Variants in EPB42 observed in about 807,000 individuals in gnomAD.
EPB42 encodes protein 4.2.
A neutral mutation model predicts 76.9 loss-of-function variants in EPB42; 49 were observed. The observed-to-expected ratio is 0.64, with a 90% confidence interval of 0.51 to 0.81. The LOEUF (loss-of-function observed/expected upper bound fraction) is 0.81, where lower values mean the gene tolerates loss of function less well. EPB42 is among the 30% of genes least tolerant of loss of function. The pLI is 0.00. For synonymous variants in EPB42, 310 were observed against 338.4 expected (o/e 0.92, Z 0.92); for missense variants, 731 against 867.6 (o/e 0.84, Z 1.98).
chr15:43,202,598 A>G (rs2042142705), intron 11 of EPB42, among the ~76,000 whole-genome samples: 1 of 152,222 alleles, frequency 6.6e-6, no homozygotes, highest in Non-Finnish European at 1.5e-5. Flanking sequence ...TGTCTCCCTA[A>G]CTAAACTATA....
At chr15:43,214,783 G>C (rs919474112) in intron 3 of EPB42, among the ~76,000 whole-genome samples, 5 of 152,050 alleles carry the variant, frequency 3.3e-5, no homozygotes, top group African/African-American at 1.2e-4. Context: ...GCTTTCCCAG[G>C]GTCATCTCAG....
Position 43,197,397 on chromosome 15 carries a change from G to A in EPB42, c.1981C>T (p.Leu661Phe), listed in dbSNP as rs748580253. 1 of 1,614,176 alleles carries A rather than the reference G, an allele frequency of 6.2e-7. No homozygotes were observed. Among genetic ancestry groups the A allele is most frequent in the Non-Finnish European group, 8.5e-7 (1 of 1,180,036 alleles). ...TCCACTTCCACAGTGAGTCTCTGGA[G>A]CCCCACATGTGTTGGCGTGAACTGG... ...KFQFTPTHVG[L>F]QRLTVEVDCN... is the part of the protein sequence containing the mutation. Residue 661 changes from leucine to phenylalanine, a missense_variant, in exon 13 of 13, where the codon CTC becomes TTC. By Grantham distance (22) the Leu-to-Phe change is conservative (BLOSUM62 0). Coordinates refer to ENST00000441366, the MANE Select transcript of EPB42 (RefSeq NM_001114134.2).
intron 4 of EPB42, 59 bp downstream of exon 4, chr15:43,211,357 A>AACATGCAAGGTTATGGG (rs1210339328): frequency 2.7e-6 from 3 of 1,107,150 alleles, no homozygotes; most frequent in Non-Finnish European, 4.2e-6. Flanking sequence ...GTCTAGCCTC[A>AACATGCAAGGTTATGGG]ACATGCAAGG....
chr15:43,214,110 A>T (rs1019536075), intron 3 of EPB42, among the ~76,000 whole-genome samples: 1 of 152,262 alleles, frequency 6.6e-6, no homozygotes, highest in Non-Finnish European at 1.5e-5. Flanking sequence ...AAGACAGGAA[A>T]GCCGGGAGAA....
Position 43,220,993 on chromosome 15 carries a change from G to A in EPB42, c.-168C>T, listed in dbSNP as rs560640741. On this transcript the variant is annotated 5_prime_UTR_variant, in exon 1 of 13. Coordinates refer to ENST00000441366, the MANE Select transcript of EPB42 (RefSeq NM_001114134.2). ...AAACCTCCCCCCACTACTCCTGTGA[G>A]CACCCTGACATGTTTCTTCTCTCCT... is the stretch of plus-strand genomic sequence containing the variant. The A allele has an allele frequency of 2.5e-4, 165 of 664,534 alleles. No individual in the cohort carries two copies. The African/African-American group carries it at 2.6e-3, about 10-fold the overall frequency. 41.2% of individuals were successfully genotyped at this position (664,534 alleles called of 1,614,324 possible). A position where few individuals can be genotyped will look rare whatever the true frequency, so the allele number is the denominator to read the frequency against.
At chr15:43,216,564 C>T (rs990454820) in intron 1 of EPB42, 111 bp from the exon 2 acceptor site, 31 of 1,220,286 alleles carry the variant, frequency 2.5e-5, no homozygotes, top group South Asian at 1.7e-4. Context: ...GCTCCACTTA[C>T]GTTTTAGCTG....
intron 10 of EPB42, among the ~76,000 whole-genome samples, chr15:43,204,192 C>A (rs1319564293): frequency 6.6e-6 from 1 of 152,194 alleles, no homozygotes; most frequent in Admixed American, 6.5e-5. Flanking sequence ...GCCCAGGAAG[C>A]TTCTCTGTAA....
chr15:43,201,676 G>A (rs1012780059), intron 12 of EPB42, among the ~76,000 whole-genome samples, 168 bp downstream of exon 12: 1 of 152,216 alleles, frequency 6.6e-6, no homozygotes, highest in Non-Finnish European at 1.5e-5. Context: ...TGCAGATATG[G>A]TGGTCCTAGG....
intron 1 of EPB42, among the ~76,000 whole-genome samples, chr15:43,219,553 C>A (rs368142501): frequency 1.0e-3 from 157 of 152,288 alleles, no homozygotes; most frequent in African/African-American, 3.7e-3. Context: ...ATTTAGTGCC[C>A]AGGGGCATCC....
At chr15:43,216,754 G>A (rs1036992926) in intron 1 of EPB42, among the ~76,000 whole-genome samples, 7 of 152,122 alleles carry the variant, frequency 4.6e-5, no homozygotes, top group East Asian at 1.9e-4. Flanking sequence ...TAATAAGTGC[G>A]TTGCTTACTC....
upstream of EPB42, among the ~76,000 whole-genome samples, chr15:43,224,399 A>C (rs968055619): frequency 6.6e-6 from 1 of 152,202 alleles, no homozygotes; most frequent in Non-Finnish European, 1.5e-5. Flanking sequence ...AAGGGAAATT[A>C]AGTGGTTTCT....
chr15:43,208,412 G>C, intron 7 of EPB42, 79 bp from the exon 8 acceptor site: 19 of 1,507,620 alleles, frequency 1.3e-5, no homozygotes, highest in Non-Finnish European at 1.5e-5. Context: ...GCCTGGCAGA[G>C]CTGTTGTTGT....
At chr15:43,223,661 T>C (rs2042481871), upstream of EPB42, among the ~76,000 whole-genome samples, 1 of 152,194 alleles carries the variant, frequency 6.6e-6, no homozygotes, top group Non-Finnish European at 1.5e-5. Flanking sequence ...TCTCTTATAA[T>C]ACTAGTGGGA....
intron 1 of EPB42, 49 bp from the exon 2 acceptor site, chr15:43,216,502 G>GT: frequency 6.3e-7 from 1 of 1,589,160 alleles, no homozygotes; most frequent in Non-Finnish European, 8.6e-7. Flanking sequence ...ATGTGACAAT[G>GT]TAAGTACAAG....
chr15:43,220,316 T>C (rs1429356002), intron 1 of EPB42, among the ~76,000 whole-genome samples: 1 of 152,126 alleles, frequency 6.6e-6, no homozygotes, highest in Non-Finnish European at 1.5e-5. Flanking sequence ...CTGCCCCTTT[T>C]AGGTGGATTC....
chr15:43,219,873 G>T (rs1051242291), intron 1 of EPB42, among the ~76,000 whole-genome samples: 1 of 151,774 alleles, frequency 6.6e-6, no homozygotes, highest in Admixed American at 6.6e-5. Context: ...TTGAACCCAG[G>T]AGGCGGAGGT....
intron 3 of EPB42, 61 bp downstream of exon 3, chr15:43,215,034 C>T: frequency 6.9e-7 from 1 of 1,448,062 alleles, no homozygotes; most frequent in Non-Finnish European, 9.6e-7. Flanking sequence ...GCCAGAGCTG[C>T]ACCCCAGCTC....
chr15:43,201,462 T>C (rs764796761), intron 12 of EPB42, among the ~76,000 whole-genome samples: 7 of 152,246 alleles, frequency 4.6e-5, no homozygotes, highest in Non-Finnish European at 8.8e-5. Context: ...CAAAATTGTA[T>C]ATTGTGGTGG....
chr15:43,202,319 C>T (rs1382778446), intron 11 of EPB42, among the ~76,000 whole-genome samples: 1 of 152,160 alleles, frequency 6.6e-6, no homozygotes, highest in Non-Finnish European at 1.5e-5. Flanking sequence ...GACTAAGTGA[C>T]ATCCCAGCCC....
Sources: allele counts gnomAD v4.1 joint callset (sites outside exome capture counted in the v4.1 genomes callset), GRCh38; gene constraint gnomAD v4.1.1; transcripts MANE v1.5; gene names NCBI Gene and HGNC (gene_info 2026-07-23, HGNC 2026-07-21).